The following CYP4B1 variants were observed in gnomAD, a reference collection of about 807,000 sequenced individuals.
CYP4B1 encodes the protein cytochrome P450 family 4 subfamily B member 1.
A neutral mutation model predicts 54.0 loss-of-function variants in CYP4B1; 45 were observed. That is an observed-to-expected ratio of 0.83 (90% CI 0.66 to 1.07). CYP4B1 has a LOEUF of 1.07. CYP4B1 is among the 50% of genes least tolerant of loss of function. The probability of loss-of-function intolerance (pLI) is 0.00; values close to 1 mark genes in which losing one functional copy is unlikely to be tolerated. For missense variants in CYP4B1, 656 were observed against 655.4 expected, an observed-to-expected ratio of 1.00 and a Z score of -0.01; for synonymous variants, 248 against 247.5, an observed-to-expected ratio of 1.00 and a Z score of -0.02.
Position 46,800,197 on chromosome 1 carries a change from CTCTT to C in CYP4B1, c.180+952_180+955del, listed in dbSNP as rs1261163226. Among the ~76,000 whole-genome samples the C allele has an allele frequency of 5.2e-4, 15 of 28,858 alleles. 3 individuals are homozygous for C. The highest frequency in any genetic ancestry group is 0.011 in the East Asian group (2 of 178). 18.9% of individuals were successfully genotyped at this position (28,858 alleles called of 152,430 possible). On this transcript the variant is annotated intron_variant, in intron 1 of 11. Transcript: ENST00000371923. ...CTTCTTTCTTTCTCTTTCTTTCTTT[CTCTT>C]TCTTTCTTTCTTTCTCTTTCTCTCT...
At chr1:46,800,172 C>CTTCT (rs144773891) in intron 1 of CYP4B1, among the ~76,000 whole-genome samples, 17,543 of 38,302 alleles carry the variant, frequency 0.46, 5,371 homozygotes, top group East Asian at 0.66. Context: ...TTCTTTTTTT[C>CTTCT]TTCTTTCTTT....
chr1:46,808,102 C>T (rs1678932270), intron 1 of CYP4B1, among the ~76,000 whole-genome samples: 1 of 152,014 alleles, frequency 6.6e-6, no homozygotes, highest in African/African-American at 2.4e-5. Context: ...GAGCAGACAT[C>T]ACATGGCAAG....
chr1:46,803,896 G>A (rs935654097), intron 1 of CYP4B1, among the ~76,000 whole-genome samples: 17 of 152,212 alleles, frequency 1.1e-4, no homozygotes, highest in African/African-American at 3.6e-4. Context: ...TTCAGTAGGA[G>A]AGGCAGATTT....
chr1:46,801,625 G>A (rs1476252968), intron 1 of CYP4B1, among the ~76,000 whole-genome samples: 2 of 152,146 alleles, frequency 1.3e-5, no homozygotes, highest in Admixed American at 1.3e-4. Context: ...CACAACTCCT[G>A]CAGTCCTCAA....
chr1:46,812,030 G>A (rs1679120614), intron 3 of CYP4B1: 1 of 375,642 alleles, frequency 2.7e-6, no homozygotes, highest in African/African-American at 2.1e-5. Flanking sequence ...CCATTGCTGG[G>A]TGTGTTGGAG....
rs1171877775 is a variant in CYP4B1 at position 46,814,210 on chromosome 1, C to T, written c.777C>T (p.Asp259=). 4 of 1,614,028 alleles carry T rather than the reference C, an allele frequency of 2.5e-6. No individual in the cohort carries two copies. Among genetic ancestry groups the T allele is most frequent in the Middle Eastern group, 1.6e-4 (1 of 6,062 alleles). Residue 259 remains aspartate, a splice_region_variant and synonymous_variant, in exon 7 of 12, where the codon GAC becomes GAT. Transcript: ENST00000371923. ...RACQVAHDHT[D]QVIRERKAAL... Reference sequence around the variant, plus strand: ...TGACACTCTGTGCTTTTGGTTCAGACCAGGTCATCAGGGAGCGGAAGGCAG... The same window carrying T: ...TGACACTCTGTGCTTTTGGTTCAGATCAGGTCATCAGGGAGCGGAAGGCAG...
At chr1:46,817,393 G>T (rs1391220545) in intron 9 of CYP4B1, 3 of 602,560 alleles carry the variant, frequency 5.0e-6, no homozygotes, top group Non-Finnish European at 8.7e-6. Context: ...GATGAGAAGA[G>T]TATCTATGTT....
At chr1:46,816,938 C>T (rs1245481115) in intron 8 of CYP4B1, 110 bp from the exon 9 acceptor site, 3 of 1,297,622 alleles carry the variant, frequency 2.3e-6, no homozygotes, top group Non-Finnish European at 3.3e-6. Context: ...GTGCCTCTGA[C>T]TCTTGAGTGT....
intron 1 of CYP4B1, among the ~76,000 whole-genome samples, chr1:46,802,304 G>A (rs1396053680): frequency 6.6e-6 from 1 of 152,126 alleles, no homozygotes; most frequent in Non-Finnish European, 1.5e-5. Flanking sequence ...CCTTGACCTT[G>A]TGCTGTGTAG....
rs771919855 is a variant in CYP4B1 at position 46,814,190 on chromosome 1, C to T, written c.776-19C>T. The T allele has an allele frequency of 1.1e-5, 17 of 1,613,456 alleles. No homozygotes were observed. Among genetic ancestry groups the T allele is most frequent in the Non-Finnish European group, 1.4e-5 (17 of 1,179,434 alleles). ...AAAGATGGCTTCCCAGGCAGTGACA[C>T]TCTGTGCTTTTGGTTCAGACCAGGT... On this transcript the variant is annotated intron_variant, in intron 6 of 11. Transcript: ENST00000371923.
At chr1:46,804,996 T>TC (rs1175609654) in intron 1 of CYP4B1, among the ~76,000 whole-genome samples, 1 of 152,176 alleles carries the variant, frequency 6.6e-6, no homozygotes, top group Non-Finnish European at 1.5e-5. Flanking sequence ...ATTTTCTTTC[T>TC]CCCCACTTGG....
At position 46,813,934 on chromosome 1, in the gene CYP4B1, G is replaced by C; in HGVS notation, c.646G>C (p.Val216Leu). 6.2e-7 allele frequency: 1 copy of C among 1,614,168 alleles called. No homozygotes were observed. The highest frequency in any genetic ancestry group is 1.7e-5 in the Admixed American group (1 of 60,032). ...CAGGGACAGCAGCTACTACCTTGCA[G>C]TCAGCGATCTCACTCTGTTGATGCA... The part of the protein sequence containing the change: ...HSRDSSYYLA[V>L]SDLTLLMQQR... Residue 216 changes from valine (V) to leucine (L), a missense_variant, in exon 6 of 12, where the codon GTC becomes CTC. By Grantham distance (32) the Val-to-Leu change is conservative. Coordinates refer to ENST00000371923, the MANE Select transcript of CYP4B1 (RefSeq NM_001099772.2).
At chr1:46,811,875 C>T (rs987366994) in intron 3 of CYP4B1, among the ~76,000 whole-genome samples, 1 of 152,164 alleles carries the variant, frequency 6.6e-6, no homozygotes, top group Non-Finnish European at 1.5e-5. Flanking sequence ...AACACATTCC[C>T]AATCCTATTT....
In CYP4B1 at chr1:46,799,149, T is replaced by C. The variant is rs773616192; in HGVS notation, c.68T>C (p.Val23Ala). 1 of 1,613,784 alleles carries C rather than the reference T, an allele frequency of 6.2e-7. No individual in the cohort carries two copies. The highest frequency in any genetic ancestry group is 1.7e-5 in the Admixed American group (1 of 59,982). The change falls in exon 1 of 12, where the codon GTC (valine) becomes GCC (alanine). Residue 23 changes from valine (V) to alanine (A), a missense_variant. Physicochemically the swap from Val to Ala is moderately conservative, Grantham distance 64 (BLOSUM62 0). Coordinates refer to ENST00000371923, the MANE Select transcript of CYP4B1 (RefSeq NM_001099772.2). ...LGLWASGLIL[V>A]LGFLKLIHLL... Reference sequence around the variant, plus strand: ...CTGTGGGCTTCTGGGCTGATCTTGGTCTTAGGCTTTCTCAAGCTCATCCAC... The same window carrying C: ...CTGTGGGCTTCTGGGCTGATCTTGGCCTTAGGCTTTCTCAAGCTCATCCAC...
intron 1 of CYP4B1, among the ~76,000 whole-genome samples, chr1:46,806,306 C>T (rs565047771): frequency 5.3e-5 from 8 of 152,182 alleles, no homozygotes; most frequent in Non-Finnish European, 8.8e-5. Flanking sequence ...TTTTTCGAAA[C>T]TCTTATCCCC....
chr1:46,799,465 C>A (rs1288007787), intron 1 of CYP4B1, among the ~76,000 whole-genome samples: 1 of 152,172 alleles, frequency 6.6e-6, no homozygotes, highest in Non-Finnish European at 1.5e-5. Context: ...GAAGTGGGGG[C>A]AACTTCCAAG....
At chr1:46,800,853 AC>A (rs1220427057) in intron 1 of CYP4B1, among the ~76,000 whole-genome samples, 1 of 152,162 alleles carries the variant, frequency 6.6e-6, no homozygotes, top group Admixed American at 6.5e-5. Context: ...GATGAATCAG[AC>A]CCAGGCCTGG....
At chr1:46,809,630 G>T (rs1270076988) in intron 1 of CYP4B1, among the ~76,000 whole-genome samples, 2 of 152,194 alleles carry the variant, frequency 1.3e-5, no homozygotes, top group Non-Finnish European at 2.9e-5. Context: ...CTAGCACACA[G>T]CAAGTGCTTA....
chr1:46,799,305 C>T lies in CYP4B1; in HGVS notation c.180+44C>T, dbSNP rs200775315. The T allele has an allele frequency of 3.3e-6, 5 of 1,527,812 alleles. No homozygotes were observed. In the East Asian group the frequency reaches 9.7e-5, roughly 30 times the overall value. 94.6% of individuals were successfully genotyped at this position (1,527,812 alleles called of 1,614,324 possible). ...GGTGGGGGAGAAAGAAAACATCCTC[C>T]CTCCTTTCAGAGAATCAGGCCTAAT... On this transcript the variant is annotated intron_variant, in intron 1 of 11. Transcript: ENST00000371923.
Sources: allele counts gnomAD v4.1 joint callset (sites outside exome capture counted in the v4.1 genomes callset), GRCh38; gene constraint gnomAD v4.1.1; transcripts MANE v1.5; gene names NCBI Gene and HGNC (gene_info 2026-07-23, HGNC 2026-07-21).